The following FUBP3 variants were observed in gnomAD, a reference collection of about 807,000 sequenced individuals.
FUBP3 encodes far upstream element-binding protein 3.
A neutral mutation model predicts 85.6 loss-of-function variants in FUBP3; 28 were observed. The ratio of observed to expected loss-of-function variants is 0.33; its 90% CI spans 0.24 to 0.45. The LOEUF (loss-of-function observed/expected upper bound fraction) is 0.45, where lower values mean the gene tolerates loss of function less well. Among genes scored for constraint, FUBP3 ranks in the 20% least tolerant of loss-of-function variants. The probability of loss-of-function intolerance (pLI) is 1.00; values close to 1 mark genes in which losing one functional copy is unlikely to be tolerated. For synonymous variants in FUBP3, 271 were observed against 271.4 expected, an observed-to-expected ratio of 1.00 and a Z score of 0.01; for missense variants, 583 against 755.1, an observed-to-expected ratio of 0.77 and a Z score of 2.67.
chr9:130,623,754 G>A (rs1041878280), intron 11 of FUBP3, 43 bp downstream of exon 11: 2 of 1,359,496 alleles, frequency 1.5e-6, no homozygotes, highest in African/African-American at 1.4e-5. Flanking sequence ...GGCTGCAGAA[G>A]TGGAAAGTGC....
intron 1 of FUBP3, among the ~76,000 whole-genome samples, chr9:130,584,064 G>A (rs772685669): frequency 6.6e-5 from 10 of 152,012 alleles, no homozygotes; most frequent in Non-Finnish European, 1.5e-4. Context: ...AAATCTGATA[G>A]CCCATGTGTA....
chr9:130,587,776 A>G (rs1302762161), intron 1 of FUBP3, among the ~76,000 whole-genome samples: 1 of 152,226 alleles, frequency 6.6e-6, no homozygotes, highest in Non-Finnish European at 1.5e-5. Context: ...TCTTAAGGGT[A>G]CCAAGATGAT....
rs200103348 is a variant in FUBP3 at position 130,616,551 on chromosome 9, G to A, written c.567+34G>A. Reference sequence around the variant, plus strand: ...GCCCGGAGCACGGAGCACAGCGGCCGCTCGCAGCAGGTCTTCAGCTTCCTG... The same window carrying A: ...GCCCGGAGCACGGAGCACAGCGGCCACTCGCAGCAGGTCTTCAGCTTCCTG... On this transcript the variant is annotated intron_variant, in intron 7 of 18. Transcript: ENST00000319725. This position sits in a 1 kb window ranked among gnomAD's most constrained non-coding sequence, Gnocchi z 4.7. The A allele has an allele frequency of 1.5e-3, 2,351 of 1,604,276 alleles. 11 individuals are homozygous for A. Among genetic ancestry groups the A allele is most frequent in the Non-Finnish European group, 1.9e-3 (2,185 of 1,171,902 alleles).
intron 12 of FUBP3, among the ~76,000 whole-genome samples, chr9:130,627,759 G>T (rs1564222487): frequency 1.3e-5 from 2 of 152,240 alleles, no homozygotes; most frequent in Admixed American, 1.3e-4. Context: ...ATGCCTGTAG[G>T]TTGACGATTA....
intron 3 of FUBP3, among the ~76,000 whole-genome samples, chr9:130,611,430 G>A (rs1376869239): frequency 1.3e-5 from 2 of 152,198 alleles, no homozygotes; most frequent in South Asian, 2.1e-4. Flanking sequence ...AAGAGGTGGA[G>A]AGAATCCCGT....
chr9:130,587,145 A>G lies in FUBP3; in HGVS notation c.84+7381A>G, dbSNP rs1016802034. 2.7e-5 allele frequency among the ~76,000 whole-genome samples: 4 copies of G among 149,658 alleles called. No homozygotes were observed. In the South Asian group the frequency reaches 8.5e-4, roughly 32 times the overall value. ...AGTGGCATGATCTCGGCTCACTGCA[A>G]CCTCCGCCTCCTGAGTTCAAGTGAT... On this transcript the variant is annotated intron_variant, in intron 1 of 18. Transcript: ENST00000319725.
chr9:130,595,792 G>T (rs1217719409), intron 2 of FUBP3, among the ~76,000 whole-genome samples: 1 of 152,122 alleles, frequency 6.6e-6, no homozygotes, highest in Non-Finnish European at 1.5e-5. Context: ...AAATCTTTTC[G>T]CTGGGCTCTG....
intron 2 of FUBP3, among the ~76,000 whole-genome samples, chr9:130,609,087 G>T (rs1226643351): frequency 6.6e-6 from 1 of 152,166 alleles, no homozygotes; most frequent in Non-Finnish European, 1.5e-5. Context: ...ATATGTTTAG[G>T]ATTTGTATTT....
intron 1 of FUBP3, among the ~76,000 whole-genome samples, chr9:130,594,072 C>G (rs1251633867): frequency 6.6e-6 from 1 of 152,146 alleles, no homozygotes; most frequent in East Asian, 1.9e-4. Flanking sequence ...TGTTACATCT[C>G]TTTAGATCAC....
Position 130,623,696 on chromosome 9 carries a change from G to T in FUBP3, c.960G>T (p.Leu320=). 1 of 1,612,330 alleles carries T rather than the reference G, an allele frequency of 6.2e-7. No homozygotes were observed. The highest frequency in any genetic ancestry group is 8.5e-7 in the Non-Finnish European group (1 of 1,178,590). ...ATGCAGCGCATATCATCAGCGAGCT[G>T]ATTCTTACAGCCCAGGTGGGTCCAG... The part of the protein sequence containing the change: ...CQHAAHIISE[L]ILTAQERDGF... Residue 320 remains leucine (L), a synonymous_variant, in exon 11 of 19, where the codon CTG becomes CTT. Transcript: ENST00000319725.
At chr9:130,584,751 C>T (rs1336198926) in intron 1 of FUBP3, among the ~76,000 whole-genome samples, 1 of 152,050 alleles carries the variant, frequency 6.6e-6, no homozygotes, top group Non-Finnish European at 1.5e-5. Flanking sequence ...TGTCTGTAAT[C>T]CCAGCTACTC....
rs548573535 is a variant in FUBP3 at position 130,636,330 on chromosome 9, C to G, written c.1710+204C>G. 266 of 679,168 alleles carry G rather than the reference C, an allele frequency of 3.9e-4. 2 individuals carry two copies. Among genetic ancestry groups the G allele is most frequent in the East Asian group, 1.9e-4 (7 of 36,726 alleles). 42.1% of individuals were successfully genotyped at this position (679,168 alleles called of 1,614,324 possible). Reference sequence around the variant, plus strand: ...TCGCTCTGGAGAAAAAGAGTTTAGGCCAAGTGGGAGGATTGGGGGCGCAGC... The same window carrying G: ...TCGCTCTGGAGAAAAAGAGTTTAGGGCAAGTGGGAGGATTGGGGGCGCAGC... On this transcript the variant is annotated intron_variant, in intron 18 of 18. Transcript: ENST00000319725.
chr9:130,631,806 G>A (rs969923797), intron 14 of FUBP3, 136 bp from the exon 15 acceptor site: 1 of 827,422 alleles, frequency 1.2e-6, no homozygotes, highest in African/African-American at 1.7e-5. Context: ...ACTGACCTCA[G>A]CGATGGGGTG....
chr9:130,624,393 A>G (rs1382980311), intron 11 of FUBP3, among the ~76,000 whole-genome samples: 1 of 152,162 alleles, frequency 6.6e-6, no homozygotes, highest in Non-Finnish European at 1.5e-5. Flanking sequence ...TCAAATTACA[A>G]ATGTGTAGGC....
At chr9:130,606,788 C>G (rs1831479148) in intron 2 of FUBP3, among the ~76,000 whole-genome samples, 1 of 151,866 alleles carries the variant, frequency 6.6e-6, no homozygotes, top group Admixed American at 6.6e-5. Flanking sequence ...CCTTTGCACT[C>G]CAGCCTGGGC....
intron 2 of FUBP3, among the ~76,000 whole-genome samples, chr9:130,607,694 G>T (rs1452260418): frequency 6.6e-6 from 1 of 152,126 alleles, no homozygotes; most frequent in African/African-American, 2.4e-5. Context: ...TCTAACTGCT[G>T]GTTTTCATTT....
chr9:130,630,867 C>T, intron 13 of FUBP3, 79 bp downstream of exon 13: 6 of 1,082,786 alleles, frequency 5.5e-6, no homozygotes, highest in Non-Finnish European at 6.3e-6. Flanking sequence ...GCTTTTCCCA[C>T]CACCTTGTGC....
At chr9:130,594,265 A>G (rs544139436) in intron 1 of FUBP3, among the ~76,000 whole-genome samples, 2 of 150,526 alleles carry the variant, frequency 1.3e-5, no homozygotes, top group Admixed American at 6.6e-5. Context: ...TGGGCAACAT[A>G]TTGAGTCCTC....
At chr9:130,611,723 G>A (rs1831753868) in intron 3 of FUBP3, among the ~76,000 whole-genome samples, 1 of 149,158 alleles carries the variant, frequency 6.7e-6, no homozygotes, top group African/African-American at 2.5e-5. Flanking sequence ...TTTCTGGGGT[G>A]TTGGGCAAAT....
Sources: allele counts gnomAD v4.1 joint callset (sites outside exome capture counted in the v4.1 genomes callset), GRCh38; gene constraint gnomAD v4.1.1; non-coding constraint Gnocchi (gnomAD v3.1); transcripts MANE v1.5; gene names NCBI Gene and HGNC (gene_info 2026-07-23, HGNC 2026-07-21).